Variants in EXOC4 observed in about 807,000 individuals in gnomAD.
The protein encoded by EXOC4 is exocyst complex component 4, also known as SEC8-like 1.
A neutral mutation model predicts 107.2 loss-of-function variants in EXOC4; 71 were observed. The observed-to-expected ratio is 0.66, with a 90% CI of 0.55 to 0.81. EXOC4 has a LOEUF of 0.81. Ranked by LOEUF, EXOC4 falls within the 30% of genes least tolerant of loss-of-function variation. EXOC4 has a pLI of 0.00. For synonymous variants in EXOC4, 456 were observed against 441.2 expected (o/e 1.03, Z -0.42); for missense variants, 1,108 against 1,189.6 (o/e 0.93, Z 1.01).
chr7:133,885,411 C>T (rs1263315823), intron 11 of EXOC4, among the ~76,000 whole-genome samples: 2 of 152,102 alleles, frequency 1.3e-5, no homozygotes, highest in Non-Finnish European at 2.9e-5. Context: ...ATTATACTCT[C>T]CCTCTTTTCA....
intron 10 of EXOC4, among the ~76,000 whole-genome samples, chr7:133,632,524 T>C (rs1802614702): frequency 6.6e-6 from 1 of 152,162 alleles, no homozygotes; most frequent in South Asian, 2.1e-4. Flanking sequence ...GATCTTTTAG[T>C]GGATTTTTAC....
At chr7:133,705,006 C>T (rs1207311781) in intron 10 of EXOC4, among the ~76,000 whole-genome samples, 4 of 152,106 alleles carry the variant, frequency 2.6e-5, no homozygotes, top group Non-Finnish European at 4.4e-5. Flanking sequence ...ATTTTCTTTC[C>T]GTAAGTTAAG....
intron 12 of EXOC4, among the ~76,000 whole-genome samples, chr7:133,900,643 T>C (rs1219921686): frequency 1.3e-5 from 2 of 150,722 alleles, no homozygotes; most frequent in East Asian, 2.0e-4. Flanking sequence ...AGTATAGAGA[T>C]AGAGGGGAGA....
intron 9 of EXOC4, among the ~76,000 whole-genome samples, chr7:133,600,090 C>T (rs1801772715): frequency 6.6e-6 from 1 of 151,724 alleles, no homozygotes; most frequent in Non-Finnish European, 1.5e-5. Context: ...TTAGTAGAGA[C>T]AGGGTTTCAC....
intron 14 of EXOC4, among the ~76,000 whole-genome samples, chr7:133,948,886 C>T (rs1453730654): frequency 2.0e-5 from 3 of 152,188 alleles, no homozygotes; most frequent in Non-Finnish European, 4.4e-5. Flanking sequence ...ACATAATCAC[C>T]TATTACGAGT....
intron 11 of EXOC4, among the ~76,000 whole-genome samples, chr7:133,875,204 G>A (rs114539534): frequency 8.7e-4 from 133 of 152,318 alleles, no homozygotes; most frequent in African/African-American, 3.0e-3. Flanking sequence ...AAATAGGGAT[G>A]ATAATGACTG....
At chr7:133,713,910 C>T (rs1038616507) in intron 10 of EXOC4, among the ~76,000 whole-genome samples, 12 of 152,030 alleles carry the variant, frequency 7.9e-5, no homozygotes, top group African/African-American at 2.9e-4. Flanking sequence ...CAATTTCAGG[C>T]AGTTCTTTAT....
chr7:133,930,079 G>A (rs910374044), intron 13 of EXOC4, among the ~76,000 whole-genome samples: 5 of 152,182 alleles, frequency 3.3e-5, no homozygotes, highest in African/African-American at 7.2e-5. Flanking sequence ...ATACTCAGTA[G>A]TGGAAAAATC....
At chr7:133,361,243 G>A (rs905287339) in intron 6 of EXOC4, among the ~76,000 whole-genome samples, 2 of 152,094 alleles carry the variant, frequency 1.3e-5, no homozygotes, top group African/African-American at 4.8e-5. Flanking sequence ...TTCTTGATAT[G>A]CCATTTTCAC....
chr7:133,875,661 A>G (rs1192551517), intron 11 of EXOC4, among the ~76,000 whole-genome samples: 1 of 151,870 alleles, frequency 6.6e-6, no homozygotes, highest in African/African-American at 2.4e-5. Context: ...GTTACTTCAC[A>G]CCTTTTTTTC....
chr7:133,353,983 A>G (rs1200073946), intron 5 of EXOC4, among the ~76,000 whole-genome samples: 2 of 151,146 alleles, frequency 1.3e-5, no homozygotes, highest in African/African-American at 4.9e-5. Flanking sequence ...TAGTTCTTAT[A>G]TCTCTTTATT....
chr7:133,661,976 AT>A (rs1793702191), intron 10 of EXOC4, among the ~76,000 whole-genome samples: 1 of 152,158 alleles, frequency 6.6e-6, no homozygotes, highest in Admixed American at 6.5e-5. Flanking sequence ...TATGCTTAAT[AT>A]GTGCCAATCT....
intron 1 of EXOC4, among the ~76,000 whole-genome samples, chr7:133,264,973 A>AAACT (rs1190365446): frequency 2.6e-5 from 4 of 152,170 alleles, no homozygotes; most frequent in Non-Finnish European, 4.4e-5. Flanking sequence ...AGGCAAAGAG[A>AAACT]AACTGACTGT....
chr7:133,666,778 A>G (rs529813816), intron 10 of EXOC4, among the ~76,000 whole-genome samples: 1 of 152,314 alleles, frequency 6.6e-6, no homozygotes, highest in South Asian at 2.1e-4. Flanking sequence ...AGTAATTTAT[A>G]GACTGATGGA....
At chr7:133,551,927 A>T (rs1299187259) in intron 9 of EXOC4, among the ~76,000 whole-genome samples, 1 of 152,184 alleles carries the variant, frequency 6.6e-6, no homozygotes, top group African/African-American at 2.4e-5. Flanking sequence ...GGAACAGTGT[A>T]TCCATTTCTG....
chr7:133,276,605 CTCT>C (rs1793999145), intron 2 of EXOC4, among the ~76,000 whole-genome samples: 1 of 152,010 alleles, frequency 6.6e-6, no homozygotes, highest in Admixed American at 6.6e-5. Context: ...CAGTGCTCTC[CTCT>C]TCTTTGGTTT....
At chr7:133,395,109 CT>C (rs200545904) in intron 7 of EXOC4, among the ~76,000 whole-genome samples, 21,854 of 130,758 alleles carry the variant, frequency 0.17, 1,798 homozygotes, top group Non-Finnish European at 0.21. Flanking sequence ...ATACTTTTGC[CT>C]TTTTTTTTTT....
At chr7:134,099,791 C>T in the EXOC4 span, among the ~76,000 whole-genome samples, 1 of 152,166 alleles carries the variant, frequency 6.6e-6, no homozygotes. Flanking sequence ...ACTGCAACCT[C>T]CACCTCCTGG....
intron 7 of EXOC4, among the ~76,000 whole-genome samples, chr7:133,409,706 C>T (rs1301884414): frequency 3.9e-5 from 6 of 152,128 alleles, no homozygotes; most frequent in African/African-American, 1.4e-4. Flanking sequence ...TGCTTTTCTA[C>T]ATATTTTAAT....
Sources: gnomAD v4.1 joint callset for allele counts (sites outside exome capture counted in the v4.1 genomes callset) on GRCh38, gnomAD v4.1.1 for gene constraint, MANE v1.5 for transcripts, NCBI Gene and HGNC (gene_info 2026-07-23, HGNC 2026-07-21) for gene names.